POLR1A: variants seen among roughly 807,000 people sequenced by gnomAD.
POLR1A encodes RNA polymerase I subunit A, also known as DNA-directed RNA polymerase I subunit RPA1.
POLR1A carries 84 observed loss-of-function variants against 205.3 expected under a neutral mutation model. That is an observed-to-expected ratio of 0.41 (90% CI 0.34 to 0.49). The LOEUF (loss-of-function observed/expected upper bound fraction) is 0.49, where lower values mean the gene tolerates loss of function less well. Ranked by LOEUF, POLR1A falls within the 20% of genes least tolerant of loss-of-function variation. The pLI is 0.22. For synonymous variants in POLR1A, 799 were observed against 863.7 expected, an observed-to-expected ratio of 0.93 and a Z score of 1.31; for missense variants, 1,645 against 2,204.5, an observed-to-expected ratio of 0.75 and a Z score of 5.08.
At position 86,045,758 on chromosome 2, in the gene POLR1A, C is replaced by T. The variant is rs1157659067; in HGVS notation, c.2745G>A (p.Leu915=). The change falls in exon 20 of 34, where the codon CTG becomes CTA. Residue 915 remains leucine, a synonymous_variant. Transcript: ENST00000263857. ...STVNTMQISC[L]LGQIELEGRR... The stretch of plus-strand genomic sequence containing the variant: ...GACCTTCCAGTTCAATCTGGCCCAG[C>T]AGGCACGAGATCTGGAGGACAGGAA... The T allele has an allele frequency of 6.2e-7, 1 of 1,606,856 alleles. No individual in the cohort carries two copies. The highest frequency in any genetic ancestry group is 8.5e-7 in the Non-Finnish European group (1 of 1,178,470).
At chr2:86,103,188 C>T (rs996042315) in intron 1 of POLR1A, among the ~76,000 whole-genome samples, 1 of 152,092 alleles carries the variant, frequency 6.6e-6, no homozygotes, top group Non-Finnish European at 1.5e-5. Context: ...GGCAAGTGGT[C>T]CTAGAAGCCC....
intron 7 of POLR1A, among the ~76,000 whole-genome samples, chr2:86,082,541 CT>C (rs35737381): frequency 0.029 from 4,247 of 146,918 alleles, 95 homozygotes; most frequent in East Asian, 0.1. Context: ...AACTCCAGTG[CT>C]TTTTTTTTTT....
rs1690124396 is a variant in POLR1A at position 86,021,022 on chromosome 2, T to C, written c.*6401A>G. On this transcript the variant is annotated 3_prime_UTR_variant, in exon 34 of 34. Transcript: ENST00000263857. ...TCCAAGAAAAGTCTTATTTCAGAGC[T>C]CAGTGTCTTGCCCAAAACGCAGCCT... The C allele has an allele frequency of 1.3e-5, 2 of 152,260 alleles. No individual in the cohort carries two copies. The highest frequency in any genetic ancestry group is 1.3e-4 in the Admixed American group (2 of 15,292). 9.4% of individuals were successfully genotyped at this position (152,260 alleles called of 1,614,324 possible).
chr2:86,104,878 C>T (rs991602938), intron 1 of POLR1A, among the ~76,000 whole-genome samples: 1 of 152,086 alleles, frequency 6.6e-6, no homozygotes, highest in Non-Finnish European at 1.5e-5. Context: ...AATAAATTTG[C>T]GTTGGGGATT....
intron 3 of POLR1A, among the ~76,000 whole-genome samples, chr2:86,096,097 TA>T (rs1673697678): frequency 6.6e-6 from 1 of 152,006 alleles, no homozygotes; most frequent in Non-Finnish European, 1.5e-5. Flanking sequence ...ACAAACTCAG[TA>T]AAGTTGCAGG....
chr2:86,027,818 A>T, intron 33 of POLR1A, 67 bp downstream of exon 33: 9 of 1,551,324 alleles, frequency 5.8e-6, no homozygotes, highest in Non-Finnish European at 8.0e-6. Context: ...AAAGATGCCC[A>T]TGGGTGAGCC....
At chr2:86,034,370 G>A (rs1364953128) in intron 27 of POLR1A, among the ~76,000 whole-genome samples, 1 of 152,170 alleles carries the variant, frequency 6.6e-6, no homozygotes, top group Non-Finnish European at 1.5e-5. Context: ...ACGAAAGAAC[G>A]AGGACTTCGG....
At chr2:86,043,989 G>A (rs1215293737) in intron 22 of POLR1A, 150 bp downstream of exon 22, 8 of 671,976 alleles carry the variant, frequency 1.2e-5, no homozygotes, top group Non-Finnish European at 2.0e-5. Flanking sequence ...AAGTGTTTCA[G>A]GGCACTGACC....
chr2:86,085,407 C>T (rs1418892377), intron 6 of POLR1A, among the ~76,000 whole-genome samples: 4 of 152,178 alleles, frequency 2.6e-5, no homozygotes, highest in Non-Finnish European at 2.9e-5. Context: ...TGAGTTAACG[C>T]AACTGAAGGA....
At position 86,063,335 on chromosome 2, in the gene POLR1A, CAAAAAAAAAAAAAAAA is replaced by C. The variant is rs34298205; in HGVS notation, c.2058+1923_2058+1938del. Among the ~76,000 whole-genome samples the C allele has an allele frequency of 8.5e-4, 35 of 41,246 alleles. No individual in the cohort carries two copies. The South Asian group carries it at 0.059, about 70-fold the overall frequency. The allele number at this position is 41,246 out of a possible 152,430, so 27.1% of individuals were successfully genotyped here. On this transcript the variant is annotated intron_variant, in intron 14 of 33. Transcript: ENST00000263857. ...GGGCAGCAAGAGCAAAACTCCATCT[CAAAAAAAAAAAAAAAA>C]AAAAAAAAAAAGAAAGAAAACCTTG...
At chr2:86,075,295 A>T (rs1435541158) in intron 11 of POLR1A, 35 bp from the exon 12 acceptor site, 1 of 1,480,122 alleles carries the variant, frequency 6.8e-7, no homozygotes, top group Non-Finnish European at 9.3e-7. Context: ...AATTCAGGGC[A>T]GGGATAAAAA....
At position 86,065,330 on chromosome 2, in the gene POLR1A, C is replaced by G. The variant is rs200363968; in HGVS notation, c.2002G>C (p.Val668Leu). ...YRGLTDKVGR[V>L]KLLSPSILKP... Reference sequence around the variant, plus strand: ...AGGATGGAAGGAGAAAGGAGCTTCACGCGCCCCACTTTGTCCGTGAGTCCT... The same window carrying G: ...AGGATGGAAGGAGAAAGGAGCTTCAGGCGCCCCACTTTGTCCGTGAGTCCT... Residue 668 changes from valine (V) to leucine (L), a missense_variant, in exon 14 of 34, where the codon GTG (valine) becomes CTG (leucine). Physicochemically the swap from Val to Leu is conservative, Grantham distance 32. Around this residue, in one of 16 missense-constraint regions of POLR1A, gnomAD observed 339 missense variants for 415.1 expected, o/e 0.82. Coordinates refer to ENST00000263857, the MANE Select transcript of POLR1A (RefSeq NM_015425.6). The G allele has an allele frequency of 3.7e-6, 6 of 1,614,030 alleles. No homozygotes were observed. In the South Asian group the frequency reaches 5.5e-5, roughly 15 times the overall value.
In POLR1A at chr2:86,041,210, CTGTGTG is replaced by C. The variant is rs67036891; in HGVS notation, c.3573-657_3573-652del. On this transcript the variant is annotated intron_variant, in intron 24 of 33. Transcript: ENST00000263857. Reference sequence around the variant, plus strand: ...GTGTGTGCGCGCTGAGCTACAGTGTCTGTGTGTGTGTGTGTGTGTGCTGAGCTACAG... The same window carrying C: ...GTGTGTGCGCGCTGAGCTACAGTGTCTGTGTGTGTGTGTGCTGAGCTACAG... 7.8e-3 allele frequency among the ~76,000 whole-genome samples: 892 copies of C among 114,520 alleles called. 11 individuals are homozygous for C. The highest frequency in any genetic ancestry group is 0.032 in the African/African-American group (806 of 24,984). 75.1% of individuals were successfully genotyped at this position (114,520 alleles called of 152,430 possible).
At position 86,093,347 on chromosome 2, in the gene POLR1A, C is replaced by T. The variant is rs1361638549; in HGVS notation, c.433-3418G>A. Reference sequence around the variant, plus strand: ...TTTCCAGAAATCTATCTTTCTTGAACCATTTGACAGTACACTGCTGATCTG... The same window carrying T: ...TTTCCAGAAATCTATCTTTCTTGAATCATTTGACAGTACACTGCTGATCTG... On this transcript the variant is annotated intron_variant, in intron 3 of 33. Coordinates refer to ENST00000263857, the MANE Select transcript of POLR1A (RefSeq NM_015425.6). Among the ~76,000 whole-genome samples the T allele has an allele frequency of 2.0e-5, 3 of 152,258 alleles. No individual in the cohort carries two copies. In the East Asian group the frequency reaches 5.8e-4, roughly 29 times the overall value.
chr2:86,084,124 G>T (rs1673453110), intron 6 of POLR1A, among the ~76,000 whole-genome samples: 1 of 152,176 alleles, frequency 6.6e-6, no homozygotes, highest in Non-Finnish European at 1.5e-5. Context: ...AAATTAGCCG[G>T]GCATGGTGGT....
chr2:86,051,245 A>G (rs1305091350), intron 16 of POLR1A, among the ~76,000 whole-genome samples: 6 of 152,224 alleles, frequency 3.9e-5, no homozygotes, highest in Non-Finnish European at 5.9e-5. Context: ...GTAGCGTAGG[A>G]TCCCACTTTT....
chr2:86,090,015 G>A, intron 3 of POLR1A, 86 bp from the exon 4 acceptor site: 1 of 713,076 alleles, frequency 1.4e-6, no homozygotes, highest in South Asian at 1.6e-5. Flanking sequence ...CTCCAAGGGT[G>A]GAAAAGATTC....
Position 86,028,914 on chromosome 2 carries a change from G to A in POLR1A, c.4780-203C>T. 2 of 562,018 alleles carry A rather than the reference G, an allele frequency of 3.6e-6. No homozygotes were observed. Among genetic ancestry groups the A allele is most frequent in the Non-Finnish European group, 6.4e-6 (2 of 311,226 alleles). The allele number at this position is 562,018 out of a possible 1,614,324, so 34.8% of individuals were successfully genotyped here. The stretch of plus-strand genomic sequence containing the variant: ...TGACGGCTCGCTGGCCGGGGCCCAA[G>A]GTCTGTATCGTCATTACAAGAATCC... On this transcript the variant is annotated intron_variant, in intron 31 of 33. Coordinates refer to ENST00000263857, the MANE Select transcript of POLR1A (RefSeq NM_015425.6). This position sits in a 1 kb window ranked among gnomAD's most constrained non-coding sequence, Gnocchi z 4.5.
chr2:86,047,397 G>A (rs1387121892), intron 18 of POLR1A, 134 bp from the exon 19 acceptor site: 3 of 630,738 alleles, frequency 4.8e-6, no homozygotes, highest in African/African-American at 3.6e-5. Flanking sequence ...TCCCACTCGA[G>A]GTAAGAGAAA....
Sources: gnomAD v4.1 joint callset for allele counts (sites outside exome capture counted in the v4.1 genomes callset) on GRCh38, gnomAD v4.1.1 for gene constraint, gnomAD v4.1.1 regional missense constraint, Gnocchi (gnomAD v3.1) non-coding constraint, MANE v1.5 for transcripts, NCBI Gene and HGNC (gene_info 2026-07-23, HGNC 2026-07-21) for gene names.